Variants in CBX1 observed in about 807,000 individuals in gnomAD.
CBX1 encodes the protein chromobox 1.
CBX1 carries 10 observed loss-of-function variants against 25.1 expected under a neutral mutation model. The observed-to-expected ratio is 0.40, with a 90% CI of 0.25 to 0.68. CBX1 has a LOEUF of 0.68. CBX1 is among the 30% of genes least tolerant of loss of function. CBX1 has a pLI of 0.40. For synonymous variants in CBX1, 63 were observed against 79.4 expected (o/e 0.79, Z 1.10); for missense variants, 106 against 218.5 (o/e 0.49, Z 3.25).
Position 48,086,027 on chromosome 17 carries a change from C to T in CBX1, c.-37-8986G>A, listed in dbSNP as rs937585120. Among the ~76,000 whole-genome samples, 61 of 152,140 alleles carry T rather than the reference C, an allele frequency of 4.0e-4. 1 individual carries two copies. Among genetic ancestry groups the T allele is most frequent in the Non-Finnish European group, 5.9e-5 (4 of 68,042 alleles). ...AGACATTGGCAGTGAGCCAAAATCA[C>T]GCCACTGCACTCCAGCCTGGGTGAC... On this transcript the variant is annotated intron_variant, in intron 1 of 4. Transcript: ENST00000225603.
At position 48,101,401 on chromosome 17, in the gene CBX1, C is replaced by A. The variant is rs1297896127; in HGVS notation, c.-171G>T. 2 of 985,490 alleles carry A rather than the reference C, an allele frequency of 2.0e-6. No homozygotes were observed. The highest frequency in any genetic ancestry group is 5.2e-4 in the Middle Eastern group (1 of 1,934). 61.0% of individuals were successfully genotyped at this position (985,490 alleles called of 1,614,324 possible). A position where few individuals can be genotyped will look rare whatever the true frequency, so the allele number is the denominator to read the frequency against. On this transcript the variant is annotated 5_prime_UTR_variant, in exon 1 of 5. Coordinates refer to ENST00000225603, the MANE Select transcript of CBX1 (RefSeq NM_001127228.2). ...GCAGTGGCGTCCCTCACTGAAGCGG[C>A]GTACCGCAGGCCCCGGCCAACGGCC... is the stretch of plus-strand genomic sequence containing the variant.
At chr17:48,094,251 T>C (rs1040477630) in intron 1 of CBX1, among the ~76,000 whole-genome samples, 3 of 151,476 alleles carry the variant, frequency 2.0e-5, no homozygotes, top group African/African-American at 7.3e-5. Context: ...CTGGCTAAGA[T>C]GGTGAAACCC....
chr17:48,079,590 C>A (rs1269181074), intron 1 of CBX1, among the ~76,000 whole-genome samples: 1 of 151,186 alleles, frequency 6.6e-6, no homozygotes, highest in African/African-American at 2.4e-5. Flanking sequence ...ACCTCCTGGG[C>A]TCAAGTGATC....
chr17:48,094,654 C>T (rs1041005884), intron 1 of CBX1, among the ~76,000 whole-genome samples: 22 of 147,324 alleles, frequency 1.5e-4, no homozygotes, highest in Non-Finnish European at 1.9e-4. Context: ...TGCTTGAATC[C>T]GGAAAACGGG....
chr17:48,094,114 CAAA>C (rs11459504), intron 1 of CBX1, among the ~76,000 whole-genome samples: 7 of 50,836 alleles, frequency 1.4e-4, no homozygotes, highest in Admixed American at 3.2e-4. Flanking sequence ...AACTCTGTCT[CAAA>C]AAAAAAAAAA....
intron 1 of CBX1, 132 bp from the exon 2 acceptor site, chr17:48,077,173 C>CT (rs1853280104): frequency 1.1e-5 from 7 of 620,666 alleles, no homozygotes; most frequent in Non-Finnish European, 1.8e-5. Context: ...TGTTAGGCTT[C>CT]TTCTCACACT....
intron 1 of CBX1, among the ~76,000 whole-genome samples, chr17:48,079,774 G>A (rs1475841938): frequency 6.6e-6 from 1 of 152,070 alleles, no homozygotes; most frequent in African/African-American, 2.4e-5. Context: ...ACAGACATAA[G>A]CCATCACACC....
intron 1 of CBX1, among the ~76,000 whole-genome samples, chr17:48,094,260 C>G (rs901598011): frequency 6.6e-6 from 1 of 151,904 alleles, no homozygotes; most frequent in Non-Finnish European, 1.5e-5. Context: ...ATGGTGAAAC[C>G]CCAACTCTAG....
intron 1 of CBX1, among the ~76,000 whole-genome samples, chr17:48,084,612 T>C (rs1438009576): frequency 6.7e-6 from 1 of 149,772 alleles, no homozygotes; most frequent in Non-Finnish European, 1.5e-5. Flanking sequence ...TACTCATTTA[T>C]TATTTACAAT....
At chr17:48,082,501 CAAAAAAAAAAAAA>C (rs572999255) in intron 1 of CBX1, among the ~76,000 whole-genome samples, 2 of 53,758 alleles carry the variant, frequency 3.7e-5, no homozygotes, top group South Asian at 9.0e-4. Flanking sequence ...GACTCCATCT[CAAAAAAAAAAAAA>C]AAAAAAAAAA....
chr17:48,093,616 G>A (rs1024848307), intron 1 of CBX1, among the ~76,000 whole-genome samples: 6 of 152,318 alleles, frequency 3.9e-5, no homozygotes, highest in Non-Finnish European at 7.3e-5. Context: ...TGACTGAATA[G>A]GAAATATTTT....
chr17:48,091,983 CTTTTTTTT>C (rs56277117), intron 1 of CBX1, among the ~76,000 whole-genome samples: 2 of 62,938 alleles, frequency 3.2e-5, no homozygotes, highest in African/African-American at 6.7e-5. Context: ...CCAGCCAGAT[CTTTTTTTT>C]TTTTTTTTTT....
At chr17:48,101,227 GC>G (rs2063408500) in intron 1 of CBX1, 40 bp downstream of exon 1, 1 of 990,006 alleles carries the variant, frequency 1.0e-6, no homozygotes, top group Non-Finnish European at 1.2e-6. Context: ...CCGCCGCCGC[GC>G]CCCCTCCCCC....
In CBX1 at chr17:48,071,030, A is replaced by G. The variant is rs924942337; in HGVS notation, c.*405T>C. On this transcript the variant is annotated 3_prime_UTR_variant, in exon 5 of 5. Transcript: ENST00000225603. ...AATAATACACCAGTAATAGCCAAAA[A>G]CTACACACATGCTACGCTGTAAAAA... 1.3e-5 allele frequency: 2 copies of G among 153,666 alleles called. No homozygotes were observed. The highest frequency in any genetic ancestry group is 1.3e-4 in the Admixed American group (2 of 15,326). The allele number at this position is 153,666 out of a possible 1,614,324, so 9.5% of individuals were successfully genotyped here. A position where few individuals can be genotyped will look rare whatever the true frequency, so the allele number is the denominator to read the frequency against.
intron 1 of CBX1, among the ~76,000 whole-genome samples, chr17:48,096,069 G>A (rs886236355): frequency 2.0e-5 from 3 of 152,120 alleles, no homozygotes; most frequent in Admixed American, 6.6e-5. Flanking sequence ...TAGTAGAGAC[G>A]GAGTTTCTCC....
chr17:48,092,448 C>T (rs1374664084), intron 1 of CBX1, among the ~76,000 whole-genome samples: 2 of 93,220 alleles, frequency 2.1e-5, no homozygotes, highest in East Asian at 7.8e-4. Context: ...CACAGCAAGA[C>T]TCCATCTCTC....
At chr17:48,082,394 C>A (rs1266490290) in intron 1 of CBX1, among the ~76,000 whole-genome samples, 1 of 144,876 alleles carries the variant, frequency 6.9e-6, no homozygotes, top group African/African-American at 2.5e-5. Flanking sequence ...CCCAGCCACT[C>A]GGGAGGCTGA....
chr17:48,072,952 TTGC>T (rs1345328683), intron 4 of CBX1, among the ~76,000 whole-genome samples: 1 of 151,916 alleles, frequency 6.6e-6, no homozygotes, highest in Non-Finnish European at 1.5e-5. Context: ...CAAAACCGTG[TTGC>T]TACTAAAAAT....
intron 1 of CBX1, among the ~76,000 whole-genome samples, chr17:48,094,384 A>G (rs888635930): frequency 7.9e-5 from 12 of 151,880 alleles, no homozygotes. Flanking sequence ...CAGTGAACCA[A>G]GATTGTGCCA....
Sources: gnomAD v4.1 joint callset for allele counts (sites outside exome capture counted in the v4.1 genomes callset) on GRCh38, gnomAD v4.1.1 for gene constraint, MANE v1.5 for transcripts, NCBI Gene and HGNC (gene_info 2026-07-23, HGNC 2026-07-21) for gene names.